The following PRSS57 variants were observed in gnomAD, a reference collection of about 807,000 sequenced individuals.
PRSS57 encodes the protein serine protease 57.
PRSS57 carries 19 observed loss-of-function variants against 20.6 expected under a neutral mutation model. The observed-to-expected ratio is 0.92, with a 90% CI of 0.64 to 1.35. PRSS57 has a LOEUF of 1.35. Ranked by LOEUF, PRSS57 falls within the 40% of genes most tolerant of loss-of-function variation. The probability of loss-of-function intolerance (pLI) is 0.00; values close to 1 mark genes in which losing one functional copy is unlikely to be tolerated. For synonymous variants in PRSS57, 203 were observed against 176.6 expected, an observed-to-expected ratio of 1.15 and a Z score of -1.19; for missense variants, 440 against 403.7, an observed-to-expected ratio of 1.09 and a Z score of -0.77.
rs771559003 is a variant in PRSS57, at chr19:685,863, C to T, written c.702G>A (p.Ser234=). Residue 234 remains serine (S), a synonymous_variant, in exon 5 of 5, where the codon TCG becomes TCA. Transcript: ENST00000329267. ...RNRAHGLVSF[S]GLWCGDPKTP... is the part of the protein sequence containing the mutation. ...TCTTGGGGTCGCCGCACCAGAGGCCCGAGAAGGAAACGAGGCCGTGAGCCC... is the reference window on the plus strand; with the variant it reads ...TCTTGGGGTCGCCGCACCAGAGGCCTGAGAAGGAAACGAGGCCGTGAGCCC... 2.7e-5 allele frequency: 42 copies of T among 1,557,986 alleles called. No individual in the cohort carries two copies. Among genetic ancestry groups the T allele is most frequent in the East Asian group, 4.8e-5 (2 of 41,572 alleles).
At chr19:687,272 C>G in intron 3 of PRSS57, 84 bp from the exon 4 acceptor site, 1 of 1,407,786 alleles carries the variant, frequency 7.1e-7, no homozygotes, top group South Asian at 1.5e-5. Flanking sequence ...ACCCCTGGTC[C>G]TGCCCTTGTG....
Position 691,902 on chromosome 19 carries a change from CG to C in PRSS57, c.333del (p.Asp112ThrfsTer5). The C allele has an allele frequency of 7.5e-7, 1 of 1,340,130 alleles. No homozygotes were observed. 83.0% of individuals were successfully genotyped at this position (1,340,130 alleles called of 1,614,324 possible). A position where few individuals can be genotyped will look rare whatever the true frequency, so the allele number is the denominator to read the frequency against. On this transcript the variant is annotated frameshift_variant, in exon 3 of 5. Coordinates refer to ENST00000329267, the MANE Select transcript of PRSS57 (RefSeq NM_001308209.2). LOFTEE classifies it high-confidence loss of function. ...VFGIDALTTHPDYHPMTHAND... is the reference protein window; with the variant it reads ...VFGIDALTTHXDYHPMTHAND... ...TTGGCGTGGGTCATGGGGTGGTAGT[CG>C]GGGTGTGTGGTGAGAGCATCGATGC...
intron 4 of PRSS57, among the ~76,000 whole-genome samples, chr19:686,525 G>A (rs575936260): frequency 3.3e-5 from 5 of 152,146 alleles, no homozygotes; most frequent in Admixed American, 6.5e-5. Context: ...TCCTGGACTC[G>A]GGCTGCTGGG....
In PRSS57 at chr19:687,106, GT is replaced by G. The variant is rs1411933203; in HGVS notation, c.460del (p.Thr154HisfsTer21). 6.2e-7 allele frequency: 1 copy of G among 1,613,134 alleles called. No individual in the cohort carries two copies. The highest frequency in any genetic ancestry group is 8.5e-7 in the Non-Finnish European group (1 of 1,179,680). On this transcript the variant is annotated frameshift_variant, in exon 4 of 5. Coordinates refer to ENST00000329267, the MANE Select transcript of PRSS57 (RefSeq NM_001308209.2). LOFTEE classifies it high-confidence loss of function. Reference sequence around the variant, plus strand: ...GCCCCAGCCAGCCACCCGGCACCGTGTCCCCGCTGTGGGGGGCCTGGCCCTT... The same window carrying G: ...GCCCCAGCCAGCCACCCGGCACCGTGCCCCGCTGTGGGGGGCCTGGCCCTT... ...GRRARPPTAG[T>X]RCRVAGWGFV...
chr19:693,381 C>T (rs778385650), intron 2 of PRSS57, among the ~76,000 whole-genome samples: 65 of 151,986 alleles, frequency 4.3e-4, no homozygotes, highest in Non-Finnish European at 7.7e-4. Flanking sequence ...AAGCACAGCT[C>T]CGGTGCGGAG....
In PRSS57 at chr19:695,077, T is replaced by C. The variant is rs2031753731; in HGVS notation, c.80-110A>G. The C allele has an allele frequency of 4.6e-6, 5 of 1,090,666 alleles. No individual in the cohort carries two copies. The South Asian group carries it at 9.4e-5, about 20-fold the overall frequency. 67.6% of individuals were successfully genotyped at this position (1,090,666 alleles called of 1,614,324 possible). On this transcript the variant is annotated intron_variant, in intron 1 of 4. Transcript: ENST00000329267. ...CCAAGACAGAGACAGGGGGTGAGAT[T>C]AGAGACGGAGAGACCCAGAGAGCTG... is the stretch of plus-strand genomic sequence containing the variant.
Position 685,703 on chromosome 19 carries a change from G to T in PRSS57, c.*13C>A, listed in dbSNP as rs754338768. On this transcript the variant is annotated 3_prime_UTR_variant, in exon 5 of 5. Coordinates refer to ENST00000329267, the MANE Select transcript of PRSS57 (RefSeq NM_001308209.2). ...GGAGCGGCCATCTCATTTGCATGCC[G>T]CAAGGTTGTGGCTCAGGCGGCTTCT... is the stretch of plus-strand genomic sequence containing the variant. The T allele has an allele frequency of 1.8e-5, 27 of 1,519,304 alleles. No homozygotes were observed. The highest frequency in any genetic ancestry group is 2.4e-5 in the Non-Finnish European group (27 of 1,124,612). 94.1% of individuals were successfully genotyped at this position (1,519,304 alleles called of 1,614,324 possible). A position where few individuals can be genotyped will look rare whatever the true frequency, so the allele number is the denominator to read the frequency against.
At chr19:689,244 G>A (rs1599115792) in intron 3 of PRSS57, among the ~76,000 whole-genome samples, 1 of 143,322 alleles carries the variant, frequency 7.0e-6, no homozygotes, top group African/African-American at 2.6e-5. Context: ...GGGTTAGCAG[G>A]AGATGACGGG....
chr19:689,575 G>A (rs2031580243), intron 3 of PRSS57, among the ~76,000 whole-genome samples: 1 of 151,986 alleles, frequency 6.6e-6, no homozygotes, highest in South Asian at 2.1e-4. Flanking sequence ...GGGAGCCACT[G>A]GGGGGTCCAG....
chr19:693,229 C>CTTTTTTTTTTT lies in PRSS57; in HGVS notation c.234-1228_234-1227insAAAAAAAAAAA, dbSNP rs1171032187. ...TACAGGCGTGAGCCACCGCACCCGGCCTTTTTTTTTTTTTTTTTTTTGAGA... is the reference window on the plus strand; with the variant it reads ...TACAGGCGTGAGCCACCGCACCCGGCTTTTTTTTTTTCTTTTTTTTTTTTTTTTTTTTGAGA... On this transcript the variant is annotated intron_variant, in intron 2 of 4. Coordinates refer to ENST00000329267, the MANE Select transcript of PRSS57 (RefSeq NM_001308209.2). Among the ~76,000 whole-genome samples, 17 of 109,126 alleles carry CTTTTTTTTTTT rather than the reference C, an allele frequency of 1.6e-4. 7 individuals are homozygous for CTTTTTTTTTTT. The highest frequency in any genetic ancestry group is 2.9e-4 in the South Asian group (1 of 3,486). The allele number at this position is 109,126 out of a possible 152,430, so 71.6% of individuals were successfully genotyped here.
intron 3 of PRSS57, among the ~76,000 whole-genome samples, chr19:688,723 C>A (rs571608069): frequency 6.6e-6 from 1 of 151,924 alleles, no homozygotes; most frequent in African/African-American, 2.4e-5. Flanking sequence ...CTCAGCCTCC[C>A]GAGTAGCTGG....
chr19:689,185 G>C (rs74197618), intron 3 of PRSS57, among the ~76,000 whole-genome samples: 12,692 of 99,458 alleles, frequency 0.13, 924 homozygotes, highest in East Asian at 0.18. Context: ...GTGACGACGG[G>C]GCTGGAAGGG....
chr19:695,250 G>T, intron 1 of PRSS57, 102 bp downstream of exon 1: 1 of 533,436 alleles, frequency 1.9e-6, no homozygotes, highest in Non-Finnish European at 2.9e-6. Flanking sequence ...TGGAGCAGGT[G>T]GAGCTCTCCC....
chr19:687,122 G>C lies in PRSS57; in HGVS notation c.445C>G (p.Pro149Ala), dbSNP rs751915330. ...LLRPPGRRAR[P>A]PTAGTRCRVA... ...CGGCACCGTGTCCCCGCTGTGGGGG[G>C]CCTGGCCCTTCTCCCTGGCGGCCTC... Residue 149 changes from proline (P) to alanine (A), a missense_variant, in exon 4 of 5, where the codon CCC becomes GCC. By Grantham distance (27) the Pro-to-Ala change is conservative. Transcript: ENST00000329267. 6.2e-7 allele frequency: 1 copy of C among 1,610,504 alleles called. No individual in the cohort carries two copies. The highest frequency in any genetic ancestry group is 8.5e-7 in the Non-Finnish European group (1 of 1,178,400).
In PRSS57 at chr19:687,323, G is replaced by A; in HGVS notation, c.379-135C>T. Reference sequence around the variant, plus strand: ...CGGCCACCATGAGGCCGGGTCAGGAGGCCCCGTTCCTTCTGCCAACACAGG... The same window carrying A: ...CGGCCACCATGAGGCCGGGTCAGGAAGCCCCGTTCCTTCTGCCAACACAGG... On this transcript the variant is annotated intron_variant, in intron 3 of 4. Transcript: ENST00000329267. 11 of 1,062,404 alleles carry A rather than the reference G, an allele frequency of 1.0e-5. No homozygotes were observed. In the South Asian group the frequency reaches 1.8e-4, roughly 17 times the overall value. The allele number at this position is 1,062,404 out of a possible 1,614,324, so 65.8% of individuals were successfully genotyped here. A position where few individuals can be genotyped will look rare whatever the true frequency, so the allele number is the denominator to read the frequency against.
intron 3 of PRSS57, among the ~76,000 whole-genome samples, chr19:689,319 G>A (rs945732709): frequency 6.7e-6 from 1 of 149,282 alleles, no homozygotes; most frequent in African/African-American, 2.5e-5. Context: ...CAGGGAGGGG[G>A]TATGTGGTCC....
Position 694,964 on chromosome 19 carries a change from G to A in PRSS57, c.83C>T (p.Ser28Phe), listed in dbSNP as rs2031749557. Residue 28 changes from serine (S) to phenylalanine (F), a missense_variant, in exon 2 of 5, where the codon TCC becomes TTC. By Grantham distance (155) the Ser-to-Phe change is radical. Transcript: ENST00000329267. ...ALMLPVKPPG[S>F]WGAQIIGGHE... ...GCCCCCGATGATCTGGGCCCCCCAGGAGCCTGCTGGAGGGACGGCCTGAGT... is the reference window on the plus strand; with the variant it reads ...GCCCCCGATGATCTGGGCCCCCCAGAAGCCTGCTGGAGGGACGGCCTGAGT... 4 of 1,532,760 alleles carry A rather than the reference G, an allele frequency of 2.6e-6. No individual in the cohort carries two copies. In the African/African-American group the frequency reaches 4.2e-5, roughly 16 times the overall value. The allele number at this position is 1,532,760 out of a possible 1,614,324, so 94.9% of individuals were successfully genotyped here.
intron 4 of PRSS57, 118 bp from the exon 5 acceptor site, chr19:686,040 T>A (rs2031466254): frequency 1.1e-6 from 1 of 917,748 alleles, no homozygotes; most frequent in Non-Finnish European, 1.6e-6. Flanking sequence ...AAGGAAAAAG[T>A]AAATTCATTT....
In PRSS57 at chr19:685,822, G is replaced by A. The variant is rs760041501; in HGVS notation, c.743C>T (p.Thr248Met). The A allele has an allele frequency of 2.2e-5, 34 of 1,565,990 alleles. No individual in the cohort carries two copies. The highest frequency in any genetic ancestry group is 3.3e-4 in the Middle Eastern group (2 of 5,992). ...CGDPKTPDVY[T>M]QVSAFVAWIW... ...CCAGGCCACAAAGGCGGACACCTGC[G>A]TGTACACGTCGGGGGTCTTGGGGTC... Residue 248 changes from threonine to methionine, a missense_variant, in exon 5 of 5, where the codon ACG (threonine) becomes ATG (methionine). Transcript: ENST00000329267.
Sources: gnomAD v4.1 joint callset for allele counts (sites outside exome capture counted in the v4.1 genomes callset) on GRCh38, gnomAD v4.1.1 for gene constraint, MANE v1.5 for transcripts, NCBI Gene and HGNC (gene_info 2026-07-23, HGNC 2026-07-21) for gene names.